RARB: variants seen among roughly 807,000 people sequenced by gnomAD.
RARB encodes the protein retinoic acid receptor beta, also known as HBV-activated protein.
In RARB, 17 loss-of-function variants were observed where a neutral mutation model predicts 51.9. The ratio of observed to expected loss-of-function variants is 0.33; its 90% CI spans 0.22 to 0.49. RARB has a LOEUF of 0.49. RARB is among the 20% of genes least tolerant of loss of function. RARB has a pLI of 0.99. For missense variants in RARB, 369 were observed against 550.8 expected (o/e 0.67, Z 3.30); for synonymous variants, 215 against 195.4 (o/e 1.10, Z -0.84).
At chr3:25,175,225 T>C (rs1012637615) in intron 5 of RARB, among the ~76,000 whole-genome samples, 4 of 152,192 alleles carry the variant, frequency 2.6e-5, no homozygotes, top group African/African-American at 7.2e-5. Flanking sequence ...AACATCTATA[T>C]TGTGCAATTT....
At chr3:25,462,975 G>C (rs1487585642) in intron 2 of RARB, among the ~76,000 whole-genome samples, 4 of 152,190 alleles carry the variant, frequency 2.6e-5, no homozygotes, top group Non-Finnish European at 4.4e-5. Context: ...AGACTCAGTA[G>C]GTAGGAACAT....
At chr3:25,340,018 A>G (rs1252890782) in intron 5 of RARB, among the ~76,000 whole-genome samples, 3 of 152,178 alleles carry the variant, frequency 2.0e-5, no homozygotes, top group African/African-American at 7.2e-5. Flanking sequence ...AGACCCTGCC[A>G]TGGACATATG....
chr3:25,223,011 T>A (rs1463201347), intron 5 of RARB, among the ~76,000 whole-genome samples: 1 of 152,230 alleles, frequency 6.6e-6, no homozygotes, highest in Non-Finnish European at 1.5e-5. Flanking sequence ...AATAATATAT[T>A]ATTTTTTAGC....
intron 1 of RARB, among the ~76,000 whole-genome samples, chr3:25,447,978 T>G (rs1709022502): frequency 6.6e-6 from 1 of 152,092 alleles, no homozygotes; most frequent in South Asian, 2.1e-4. Context: ...TGTAACACTA[T>G]TATGTGGCAG....
chr3:25,351,386 C>A (rs1705566121), intron 5 of RARB, among the ~76,000 whole-genome samples: 1 of 152,020 alleles, frequency 6.6e-6, no homozygotes, highest in Non-Finnish European at 1.5e-5. Flanking sequence ...CCTCCTGTCC[C>A]TGCACTCCTT....
intron 2 of RARB, among the ~76,000 whole-genome samples, chr3:24,926,799 T>C (rs1422762425): frequency 1.3e-5 from 2 of 152,094 alleles, no homozygotes; most frequent in Non-Finnish European, 2.9e-5. Flanking sequence ...ACAAACTATA[T>C]TGTTCAAATA....
rs140680509 is a variant in RARB at position 24,977,250 on chromosome 3, T to C, written c.-379-82875T>C. On this transcript the variant is annotated intron_variant, in intron 2 of 11. Transcript: ENST00000383772. ...GATTGACTTGGCTATATGGGCTCTT[T>C]TTTGGTTTCATATGAAATTTAAAGT... Among the ~76,000 whole-genome samples the C allele has an allele frequency of 2.6e-5, 4 of 152,302 alleles. No homozygotes were observed. In the East Asian group the frequency reaches 5.8e-4, roughly 22 times the overall value.
chr3:25,399,343 A>G (rs999634222), intron 5 of RARB, among the ~76,000 whole-genome samples: 3 of 152,176 alleles, frequency 2.0e-5, no homozygotes, highest in Admixed American at 2.0e-4. Context: ...AAAGTACTCC[A>G]TCTTCCAAAT....
intron 3 of RARB, among the ~76,000 whole-genome samples, chr3:25,114,361 G>A (rs1222321406): frequency 6.6e-6 from 1 of 152,162 alleles, no homozygotes; most frequent in Non-Finnish European, 1.5e-5. Flanking sequence ...CTACCACTGA[G>A]CTACTCCACT....
At chr3:25,182,233 CAG>C (rs1314356018) in intron 5 of RARB, among the ~76,000 whole-genome samples, 10 of 152,104 alleles carry the variant, frequency 6.6e-5, no homozygotes, top group Non-Finnish European at 1.3e-4. Context: ...GAAAAAATAA[CAG>C]TGTGAAATAA....
chr3:25,172,144 T>A (rs1233848838), intron 4 of RARB, among the ~76,000 whole-genome samples: 3 of 152,184 alleles, frequency 2.0e-5, no homozygotes, highest in South Asian at 4.1e-4. Flanking sequence ...TTGACACTGT[T>A]CGTTTTTAAT....
At chr3:25,007,605 C>CAAAAAAAAAA (rs1279154112) in intron 2 of RARB, among the ~76,000 whole-genome samples, 1 of 60,648 alleles carries the variant, frequency 1.6e-5, no homozygotes, top group Non-Finnish European at 3.3e-5. Flanking sequence ...AAAAAAAAAA[C>CAAAAAAAAAA]AAAAAAACCT....
chr3:25,501,665 C>A (rs1697322718), intron 3 of RARB, among the ~76,000 whole-genome samples: 1 of 152,158 alleles, frequency 6.6e-6, no homozygotes, highest in Non-Finnish European at 1.5e-5. Flanking sequence ...GTATAAGGAT[C>A]TTCGCCTGTA....
intron 2 of RARB, among the ~76,000 whole-genome samples, chr3:24,986,801 CT>C (rs1696803330): frequency 3.3e-5 from 5 of 152,128 alleles, no homozygotes; most frequent in South Asian, 2.1e-4. Context: ...AGCCTTCACC[CT>C]GTTAACTCCT....
At chr3:25,492,608 C>T (rs1375837763) in intron 2 of RARB, among the ~76,000 whole-genome samples, 1 of 152,190 alleles carries the variant, frequency 6.6e-6, no homozygotes. Flanking sequence ...AGAGGTTCAG[C>T]TCTCAAGGAT....
At chr3:25,220,116 C>T (rs1175742705) in intron 5 of RARB, among the ~76,000 whole-genome samples, 1 of 152,146 alleles carries the variant, frequency 6.6e-6, no homozygotes, top group Non-Finnish European at 1.5e-5. Flanking sequence ...AAATTCTCAC[C>T]TGTAGCCATA....
chr3:25,125,126 T>C (rs1255519043), intron 3 of RARB, among the ~76,000 whole-genome samples: 1 of 152,156 alleles, frequency 6.6e-6, no homozygotes, highest in Admixed American at 6.6e-5. Flanking sequence ...AAAATATTGA[T>C]TTTTTTCTAG....
chr3:25,367,900 G>A (rs1272217734), intron 5 of RARB, among the ~76,000 whole-genome samples: 3 of 151,726 alleles, frequency 2.0e-5, no homozygotes, highest in East Asian at 1.9e-4. Context: ...GGGGAGTATC[G>A]AAGTAGACAG....
At chr3:25,312,236 G>T (rs1466036196) in intron 5 of RARB, among the ~76,000 whole-genome samples, 1 of 152,090 alleles carries the variant, frequency 6.6e-6, no homozygotes, top group Non-Finnish European at 1.5e-5. Context: ...GAAAATTAAG[G>T]TTATCATTAA....
Sources: gnomAD v4.1 joint callset for allele counts (sites outside exome capture counted in the v4.1 genomes callset) on GRCh38, gnomAD v4.1.1 for gene constraint, MANE v1.5 for transcripts, NCBI Gene and HGNC (gene_info 2026-07-23, HGNC 2026-07-21) for gene names.